ADPRHL1: variants seen among roughly 807,000 people sequenced by gnomAD.
The protein encoded by ADPRHL1 is ADP-ribosylhydrolase like 1.
Under a neutral mutation model 44.1 loss-of-function variants are expected in ADPRHL1, and 43 were observed. That is an observed-to-expected ratio of 0.98 (90% CI 0.76 to 1.26). The LOEUF (loss-of-function observed/expected upper bound fraction) is 1.26. ADPRHL1 is among the 50% of genes most tolerant of loss of function. The pLI is 0.00. For synonymous variants in ADPRHL1, 878 were observed against 1,017.4 expected, an observed-to-expected ratio of 0.86 and a Z score of 2.61; for missense variants, 2,022 against 2,496.9, an observed-to-expected ratio of 0.81 and a Z score of 4.05.
At chr13:113,435,909 T>C (rs1277355092) in intron 2 of ADPRHL1, among the ~76,000 whole-genome samples, 1 of 139,056 alleles carries the variant, frequency 7.2e-6, no homozygotes, top group Non-Finnish European at 1.5e-5. Flanking sequence ...CACCCAGGTG[T>C]AGGGTGAACA....
At position 113,405,835 on chromosome 13, in the gene ADPRHL1, C is replaced by T; in HGVS notation, c.3447G>A (p.Gln1149=). Residue 1149 remains glutamine, a synonymous_variant, in exon 8 of 8, where the codon CAG becomes CAA. Coordinates refer to ENST00000612156, the MANE Select transcript of ADPRHL1 (RefSeq NM_001394807.1). Reference sequence around the variant, plus strand: ...TTTCGGACAAGGCTCTGCTTCCCCACTGGCCCAGCGTCTCTGGCTCTCCCG... The same window carrying T: ...TTTCGGACAAGGCTCTGCTTCCCCATTGGCCCAGCGTCTCTGGCTCTCCCG... ...RTAGEPETLG[Q]WGSRALSESH... 1 of 1,231,882 alleles carries T rather than the reference C, an allele frequency of 8.1e-7. No individual in the cohort carries two copies. Among genetic ancestry groups the T allele is most frequent in the Non-Finnish European group, 1.0e-6 (1 of 988,046 alleles). The allele number at this position is 1,231,882 out of a possible 1,614,324, so 76.3% of individuals were successfully genotyped here. A position where few individuals can be genotyped will look rare whatever the true frequency, so the allele number is the denominator to read the frequency against.
In ADPRHL1 at chr13:113,409,974, T is replaced by C. The variant is rs903636903; in HGVS notation, c.1062-1754A>G. 11 of 985,232 alleles carry C rather than the reference T, an allele frequency of 1.1e-5. No individual in the cohort carries two copies. The Admixed American group carries it at 4.9e-4, about 44-fold the overall frequency. The allele number at this position is 985,232 out of a possible 1,614,324, so 61.0% of individuals were successfully genotyped here. A position where few individuals can be genotyped will look rare whatever the true frequency, so the allele number is the denominator to read the frequency against. On this transcript the variant is annotated intron_variant, in intron 7 of 7. Transcript: ENST00000612156. The surrounding 1 kb of genome is among the most constrained non-coding windows in gnomAD (Gnocchi z 4.2). The stretch of plus-strand genomic sequence containing the variant: ...GTGTGAACATACTTCTCTTTTTGTG[T>C]TTGTCTGCATTTTTCCAAAAGAGAG...
chr13:113,404,929 C>T lies in ADPRHL1; in HGVS notation c.4353G>A (p.Glu1451=). ...CCCACGCCGTGCTCCGCCCCCGCTCCTCCCAGGGTCCCTGCAGATGCTGCT... is the reference window on the plus strand; with the variant it reads ...CCCACGCCGTGCTCCGCCCCCGCTCTTCCCAGGGTCCCTGCAGATGCTGCT... The part of the protein sequence containing the change: ...QGQQHLQGPW[E]ERGRSTAWGE... The change falls in exon 8 of 8, where the codon GAG becomes GAA. Residue 1451 remains glutamate, a synonymous_variant. Transcript: ENST00000612156. The T allele has an allele frequency of 8.0e-7, 1 of 1,242,314 alleles. No homozygotes were observed. Among genetic ancestry groups the T allele is most frequent in the Non-Finnish European group, 1.0e-6 (1 of 994,922 alleles). 77.0% of individuals were successfully genotyped at this position (1,242,314 alleles called of 1,614,324 possible).
chr13:113,424,134 G>A (rs2043945929), intron 6 of ADPRHL1, 83 bp downstream of exon 6: 3 of 1,528,722 alleles, frequency 2.0e-6, no homozygotes, highest in Admixed American at 4.0e-5. Context: ...CTGAATGCCT[G>A]CAGTCCTAGG....
chr13:113,443,724 C>G (rs1370446633), intron 2 of ADPRHL1, among the ~76,000 whole-genome samples: 1 of 152,066 alleles, frequency 6.6e-6, no homozygotes, highest in Non-Finnish European at 1.5e-5. Flanking sequence ...GCAGGTAGAT[C>G]ACCTGAGGTC....
At position 113,453,111 on chromosome 13, in the gene ADPRHL1, C is replaced by G; in HGVS notation, c.214+113G>C. ...CTTTTAGCAGCGGTATCAGGTAACA[C>G]CATCCGCTGAAGGACCGCACTGCCT... On this transcript the variant is annotated intron_variant, in intron 1 of 7. Coordinates refer to ENST00000612156, the MANE Select transcript of ADPRHL1 (RefSeq NM_001394807.1). This position sits in a 1 kb window ranked among gnomAD's most constrained non-coding sequence, Gnocchi z 5.4. 1 of 1,150,392 alleles carries G rather than the reference C, an allele frequency of 8.7e-7. No individual in the cohort carries two copies. Among genetic ancestry groups the G allele is most frequent in the Non-Finnish European group, 1.3e-6 (1 of 799,940 alleles). The allele number at this position is 1,150,392 out of a possible 1,614,324, so 71.3% of individuals were successfully genotyped here.
intron 4 of ADPRHL1, among the ~76,000 whole-genome samples, chr13:113,428,704 C>T (rs1019934235): frequency 6.6e-6 from 1 of 152,236 alleles, no homozygotes; most frequent in African/African-American, 2.4e-5. Context: ...CAAATGTCCC[C>T]GGCAGGCTCA....
rs949679603 is a variant in ADPRHL1, at chr13:113,407,795, G to A, written c.1487C>T (p.Pro496Leu). ...GTTTTTCACGGTGCTCTTCCCGGCC[G>A]GGTGGCCCCAGCGGGGCTTCTCGCT... ...CLSEKPRWGH[P>L]AGKSTVKNIL... Residue 496 changes from proline (P) to leucine (L), a missense_variant, in exon 8 of 8, where the codon CCG becomes CTG. Physicochemically the swap from Pro to Leu is moderately conservative, Grantham distance 98 (BLOSUM62 -3). Coordinates refer to ENST00000612156, the MANE Select transcript of ADPRHL1 (RefSeq NM_001394807.1). 7.3e-6 allele frequency: 9 copies of A among 1,231,910 alleles called. No individual in the cohort carries two copies. The East Asian group carries it at 9.5e-5, about 13-fold the overall frequency. 76.3% of individuals were successfully genotyped at this position (1,231,910 alleles called of 1,614,324 possible).
intron 1 of ADPRHL1, among the ~76,000 whole-genome samples, chr13:113,451,161 C>A (rs2044177083): frequency 1.3e-5 from 2 of 152,214 alleles, no homozygotes; most frequent in South Asian, 4.1e-4. Context: ...CCCCTCAGCT[C>A]CTATCTCTGT....
At position 113,407,693 on chromosome 13, in the gene ADPRHL1, C is replaced by A; in HGVS notation, c.1589G>T (p.Arg530Leu). Reference sequence around the variant, plus strand: ...CAAGAGGCCCCTGGCGGCTTTGGGCCGCTCCACAGGGGGCTTCTCGCGTGC... The same window carrying A: ...CAAGAGGCCCCTGGCGGCTTTGGGCAGCTCCACAGGGGGCTTCTCGCGTGC... Reference protein sequence around the residue: ...KEAREKPPVERPKAARGLLPK... With the variant: ...KEAREKPPVELPKAARGLLPK... The change falls in exon 8 of 8, where the codon CGG (arginine) becomes CTG (leucine). Residue 530 changes from arginine to leucine, a missense_variant. Coordinates refer to ENST00000612156, the MANE Select transcript of ADPRHL1 (RefSeq NM_001394807.1). 1 of 1,232,070 alleles carries A rather than the reference C, an allele frequency of 8.1e-7. No homozygotes were observed. The highest frequency in any genetic ancestry group is 1.5e-5 in the African/African-American group (1 of 64,556). 76.3% of individuals were successfully genotyped at this position (1,232,070 alleles called of 1,614,324 possible).
At chr13:113,433,634 G>A (rs1002894345) in intron 3 of ADPRHL1, 108 bp downstream of exon 3, 1 of 1,470,598 alleles carries the variant, frequency 6.8e-7, no homozygotes. Context: ...GCAGATGGCG[G>A]CAGCTCCAGG....
rs752352484 is a variant in ADPRHL1 at position 113,444,579 on chromosome 13, G to A, written c.225C>T (p.Cys75=). The change falls in exon 2 of 8, where the codon TGC becomes TGT. Residue 75 remains cysteine, a synonymous_variant. Transcript: ENST00000612156. The stretch of plus-strand genomic sequence containing the variant: ...CCATCTCCCGGTACAGATCATCCAG[G>A]CACCAGTAGTCTGCGGAAGAAAGGG... ...TAEALTTDYW[C]LDDLYREMVR... 1 of 1,613,768 alleles carries A rather than the reference G, an allele frequency of 6.2e-7. No homozygotes were observed. Among genetic ancestry groups the A allele is most frequent in the Non-Finnish European group, 8.5e-7 (1 of 1,179,750 alleles).
chr13:113,411,881 C>T (rs150447286), intron 7 of ADPRHL1, among the ~76,000 whole-genome samples: 4 of 152,354 alleles, frequency 2.6e-5, no homozygotes, highest in Non-Finnish European at 4.4e-5. Flanking sequence ...GGCCTGGCCA[C>T]TCCCCTGCTC....
chr13:113,436,948 G>T (rs1374977694), intron 2 of ADPRHL1, among the ~76,000 whole-genome samples: 1 of 148,460 alleles, frequency 6.7e-6, no homozygotes, highest in African/African-American at 2.5e-5. Context: ...CCGGGACCCA[G>T]CACCCAGGTG....
At chr13:113,433,658 C>T in intron 3 of ADPRHL1, 84 bp downstream of exon 3, 5 of 1,461,654 alleles carry the variant, frequency 3.4e-6, no homozygotes, top group South Asian at 2.7e-5. Flanking sequence ...CCGCCCCCCA[C>T]CCCACACTTA....
intron 1 of ADPRHL1, among the ~76,000 whole-genome samples, chr13:113,451,025 A>G (rs749669536): frequency 1.3e-5 from 2 of 150,616 alleles, no homozygotes; most frequent in Non-Finnish European, 2.9e-5. Context: ...CTGGACCACG[A>G]TCCGCCTGGT....
In ADPRHL1 at chr13:113,425,071, T is replaced by C; in HGVS notation, c.755A>G (p.Asp252Gly). The change falls in exon 5 of 8, where the codon GAT becomes GGT. Residue 252 changes from aspartate (D) to glycine (G), a missense_variant. Asp to Gly is a moderately conservative substitution (Grantham distance 94). This residue lies in a region of ADPRHL1 where 437 missense variants were observed against 430.7 expected (regional missense o/e 1.01). Transcript: ENST00000612156. ...GCTTACCTTTTCCCTCTCTTCTGCA[T>C]CATAATTGTCGGGGAAGATGGCTTT... ...ENKAIFPDNYDAEEREKTYRK... is the reference protein window; with the variant it reads ...ENKAIFPDNYGAEEREKTYRK... 1.2e-6 allele frequency: 2 copies of C among 1,613,678 alleles called. No homozygotes were observed. Among genetic ancestry groups the C allele is most frequent in the South Asian group, 1.1e-5 (1 of 91,076 alleles).
chr13:113,414,631 C>T (rs983637318), intron 7 of ADPRHL1, among the ~76,000 whole-genome samples: 1 of 151,932 alleles, frequency 6.6e-6, no homozygotes, highest in Non-Finnish European at 1.5e-5. Flanking sequence ...GGGCCACGTG[C>T]CTCTGCACAT....
intron 6 of ADPRHL1, among the ~76,000 whole-genome samples, 179 bp from the exon 7 acceptor site, chr13:113,423,158 G>A (rs2043939064): frequency 6.6e-6 from 1 of 152,174 alleles, no homozygotes; most frequent in Admixed American, 6.5e-5. Context: ...ACAGGCGGCT[G>A]AGATGGGAGA....
Sources: allele counts gnomAD v4.1 joint callset (sites outside exome capture counted in the v4.1 genomes callset), GRCh38; gene constraint gnomAD v4.1.1; regional missense constraint gnomAD v4.1.1; non-coding constraint Gnocchi (gnomAD v3.1); transcripts MANE v1.5; gene names NCBI Gene and HGNC (gene_info 2026-07-23, HGNC 2026-07-21).